The following ADK variants were observed in gnomAD, a reference collection of about 807,000 sequenced individuals.
ADK encodes adenosine kinase.
ADK carries 24 observed loss-of-function variants against 44.7 expected under a neutral mutation model. That is an observed-to-expected ratio of 0.54 (90% CI 0.39 to 0.76). ADK has a LOEUF of 0.76. Among genes scored for constraint, ADK ranks in the 30% least tolerant of loss-of-function variants. The pLI, the probability that ADK is intolerant of heterozygous loss-of-function variation, is 0.00. For missense variants in ADK, 321 were observed against 425.1 expected, an observed-to-expected ratio of 0.76 and a Z score of 2.15; for synonymous variants, 128 against 142.6, an observed-to-expected ratio of 0.90 and a Z score of 0.73.
At chr10:74,559,445 ATTC>A (rs555776358) in intron 7 of ADK, among the ~76,000 whole-genome samples, 17 of 152,292 alleles carry the variant, frequency 1.1e-4, no homozygotes, top group Non-Finnish European at 2.1e-4. Flanking sequence ...ATCATTGTTT[ATTC>A]TTCTATTGAA....
intron 10 of ADK, among the ~76,000 whole-genome samples, chr10:74,679,203 G>C (rs1045677411): frequency 4.6e-5 from 7 of 152,196 alleles, no homozygotes; most frequent in Non-Finnish European, 8.8e-5. Flanking sequence ...CTCTAAAGGA[G>C]GAGAAATAGC....
intron 9 of ADK, among the ~76,000 whole-genome samples, chr10:74,652,715 G>A (rs781101675): frequency 1.5e-4 from 23 of 150,910 alleles, no homozygotes; most frequent in Admixed American, 6.6e-4. Flanking sequence ...AACTGAGATC[G>A]CACCACTGCA....
chr10:74,538,513 T>G (rs1307356332), intron 7 of ADK, among the ~76,000 whole-genome samples: 1 of 152,232 alleles, frequency 6.6e-6, no homozygotes, highest in Non-Finnish European at 1.5e-5. Flanking sequence ...TTGTTGTGGT[T>G]GTTTTTTGTT....
At chr10:74,391,780 G>GT (rs1843342932) in intron 4 of ADK, among the ~76,000 whole-genome samples, 1 of 151,328 alleles carries the variant, frequency 6.6e-6, no homozygotes, top group Admixed American at 6.6e-5. Flanking sequence ...TACGCATGTT[G>GT]TTACATAGTC....
At chr10:74,636,344 G>C (rs549492370) in intron 9 of ADK, among the ~76,000 whole-genome samples, 1 of 152,248 alleles carries the variant, frequency 6.6e-6, no homozygotes, top group African/African-American at 2.4e-5. Context: ...AGGGAAGTGG[G>C]AAACTATTGA....
In ADK at chr10:74,595,176, C is replaced by CAA. The variant is rs781407492; in HGVS notation, c.763-5183_763-5182dup. ...GGGCAACAAGAGCCAAACTCCATCTCAAAAAAAAAAAAAAAAAAAAAGGCT... is the reference window on the plus strand; with the variant it reads ...GGGCAACAAGAGCCAAACTCCATCTCAAAAAAAAAAAAAAAAAAAAAAAGGCT... On this transcript the variant is annotated intron_variant, in intron 8 of 10. Coordinates refer to ENST00000539909, the MANE Select transcript of ADK (RefSeq NM_006721.4). Among the ~76,000 whole-genome samples the CAA allele has an allele frequency of 7.4e-3, 219 of 29,532 alleles. 12 individuals carry two copies. Among genetic ancestry groups the CAA allele is most frequent in the African/African-American group, 0.017 (133 of 7,808 alleles). The allele number at this position is 29,532 out of a possible 152,430, so 19.4% of individuals were successfully genotyped here. A position where few individuals can be genotyped will look rare whatever the true frequency, so the allele number is the denominator to read the frequency against.
At chr10:74,159,058 C>T (rs1357484584) in intron 1 of ADK, among the ~76,000 whole-genome samples, 1 of 152,124 alleles carries the variant, frequency 6.6e-6, no homozygotes, top group Non-Finnish European at 1.5e-5. Flanking sequence ...AGAGTTTTTG[C>T]TCTCATTTAT....
chr10:74,369,192 C>T (rs1011755132), intron 4 of ADK, among the ~76,000 whole-genome samples: 10 of 152,004 alleles, frequency 6.6e-5, no homozygotes, highest in African/African-American at 2.4e-4. Flanking sequence ...TTTATTTCTA[C>T]AAAAATTACA....
chr10:74,488,394 T>C (rs988173505), intron 6 of ADK, among the ~76,000 whole-genome samples: 2 of 151,338 alleles, frequency 1.3e-5, no homozygotes, highest in Non-Finnish European at 3.0e-5. Flanking sequence ...TGTGTGTGTG[T>C]GTGTGTGTGT....
At chr10:74,589,420 A>G (rs1851642283) in intron 8 of ADK, 103 bp downstream of exon 8, 3 of 1,206,244 alleles carry the variant, frequency 2.5e-6, no homozygotes, top group Non-Finnish European at 3.7e-6. Context: ...ATACTCTCAG[A>G]GCCTCGCAGC....
At chr10:74,207,775 G>C (rs939960240) in intron 2 of ADK, among the ~76,000 whole-genome samples, 4 of 152,300 alleles carry the variant, frequency 2.6e-5, no homozygotes, top group African/African-American at 9.6e-5. Flanking sequence ...ACCTGGAACT[G>C]ATAGCCTGGC....
chr10:74,293,143 G>T (rs567059302), intron 3 of ADK, among the ~76,000 whole-genome samples: 9 of 123,492 alleles, frequency 7.3e-5, no homozygotes, highest in East Asian at 7.0e-4. Flanking sequence ...TCCAGCCCCC[G>T]TGACTGATTG....
intron 3 of ADK, among the ~76,000 whole-genome samples, chr10:74,251,067 T>C (rs1319362426): frequency 2.0e-5 from 3 of 152,084 alleles, no homozygotes; most frequent in African/African-American, 7.2e-5. Flanking sequence ...CAGGATTTAG[T>C]GAGTGATCCA....
intron 10 of ADK, among the ~76,000 whole-genome samples, chr10:74,679,791 A>G (rs1855532452): frequency 6.6e-6 from 1 of 151,142 alleles, no homozygotes; most frequent in African/African-American, 2.4e-5. Flanking sequence ...ATGAAACCCT[A>G]TCTCTACTAA....
At chr10:74,648,837 T>C (rs1854149364) in intron 9 of ADK, among the ~76,000 whole-genome samples, 1 of 152,018 alleles carries the variant, frequency 6.6e-6, no homozygotes, top group African/African-American at 2.4e-5. Flanking sequence ...TCAAACTAGA[T>C]TGTTATGAAT....
At chr10:74,226,512 A>G (rs1014194112) in intron 3 of ADK, among the ~76,000 whole-genome samples, 1 of 152,058 alleles carries the variant, frequency 6.6e-6, no homozygotes, top group South Asian at 2.1e-4. Flanking sequence ...TGTTTTATCT[A>G]TTTATTCTTC....
In ADK at chr10:74,459,219, T is replaced by C. The variant is rs868311029; in HGVS notation, c.555+60640T>C. On this transcript the variant is annotated intron_variant, in intron 6 of 10. Coordinates refer to ENST00000539909, the MANE Select transcript of ADK (RefSeq NM_006721.4). ...TCGCTTGAACCCAGGAGGCAGAGGTTGCAGTGAGCTGAGATCACACCATTG... is the reference window on the plus strand; with the variant it reads ...TCGCTTGAACCCAGGAGGCAGAGGTCGCAGTGAGCTGAGATCACACCATTG... Among the ~76,000 whole-genome samples, 5 of 150,784 alleles carry C rather than the reference T, an allele frequency of 3.3e-5. No individual in the cohort carries two copies. In the Middle Eastern group the frequency reaches 0.014, roughly 425 times the overall value.
At chr10:74,426,518 A>C (rs1337115299) in intron 6 of ADK, among the ~76,000 whole-genome samples, 1 of 152,216 alleles carries the variant, frequency 6.6e-6, no homozygotes, top group Admixed American at 6.5e-5. Context: ...GCTACTTGTC[A>C]TACAAGAAAA....
chr10:74,369,669 C>T (rs1842598643), intron 4 of ADK, among the ~76,000 whole-genome samples: 1 of 152,024 alleles, frequency 6.6e-6, no homozygotes, highest in Admixed American at 6.6e-5. Flanking sequence ...CTATAAGGAA[C>T]CAATGGTAAT....
Sources: gnomAD v4.1 joint callset for allele counts (sites outside exome capture counted in the v4.1 genomes callset) on GRCh38, gnomAD v4.1.1 for gene constraint, MANE v1.5 for transcripts, NCBI Gene and HGNC (gene_info 2026-07-23, HGNC 2026-07-21) for gene names.